The following DNAJC1 variants were observed in gnomAD, a reference collection of about 807,000 sequenced individuals.
DNAJC1 encodes the protein dnaJ homolog subfamily C member 1.
In DNAJC1, 58 loss-of-function variants were observed where a neutral mutation model predicts 76.6. The ratio of observed to expected loss-of-function variants is 0.76; its 90% confidence interval spans 0.61 to 0.94. The LOEUF (loss-of-function observed/expected upper bound fraction) is 0.94, where lower values mean the gene tolerates loss of function less well. DNAJC1 is among the 40% of genes least tolerant of loss of function. The pLI, the probability that DNAJC1 is intolerant of heterozygous loss-of-function variation, is 0.00. For synonymous variants in DNAJC1, 258 were observed against 267.9 expected (o/e 0.96, Z 0.36); for missense variants, 689 against 677.3 (o/e 1.02, Z -0.19).
At chr10:21,879,349 C>T (rs143161765) in intron 8 of DNAJC1, among the ~76,000 whole-genome samples, 70 of 152,252 alleles carry the variant, frequency 4.6e-4, no homozygotes, top group African/African-American at 1.6e-3. Flanking sequence ...ATAAGCCAGG[C>T]GCGTTAGCTC....
intron 9 of DNAJC1, among the ~76,000 whole-genome samples, chr10:21,802,553 C>G (rs754799620): frequency 6.6e-6 from 1 of 152,112 alleles, no homozygotes; most frequent in Non-Finnish European, 1.5e-5. Context: ...TATAACTACA[C>G]ACCCCTTACC....
In DNAJC1 at chr10:21,781,080, C is replaced by T. The variant is rs541378477; in HGVS notation, c.1099-14771G>A. On this transcript the variant is annotated intron_variant, in intron 9 of 11. Coordinates refer to ENST00000376980, the MANE Select transcript of DNAJC1 (RefSeq NM_022365.4). Reference sequence around the variant, plus strand: ...TATATATGCACCCTATTCAGGAGCACCCAGATTCATAAAGCAAGTACTTAG... The same window carrying T: ...TATATATGCACCCTATTCAGGAGCATCCAGATTCATAAAGCAAGTACTTAG... Among the ~76,000 whole-genome samples, 51 of 152,248 alleles carry T rather than the reference C, an allele frequency of 3.3e-4. 1 individual carries two copies. The East Asian group carries it at 7.5e-3, about 22-fold the overall frequency.
rs191846574 is a variant in DNAJC1 at position 21,938,741 on chromosome 10, T to G, written c.223-9600A>C. 2.2e-3 allele frequency among the ~76,000 whole-genome samples: 336 copies of G among 152,352 alleles called. 3 individuals carry two copies. The highest frequency in any genetic ancestry group is 7.7e-3 in the African/African-American group (320 of 41,578). Reference sequence around the variant, plus strand: ...TGACAATAATCTAAAACTCATTCTATTTATACAGTGTCTCCACAAATGTGA... The same window carrying G: ...TGACAATAATCTAAAACTCATTCTAGTTATACAGTGTCTCCACAAATGTGA... On this transcript the variant is annotated intron_variant, in intron 1 of 11. Transcript: ENST00000376980.
intron 8 of DNAJC1, among the ~76,000 whole-genome samples, chr10:21,834,398 G>A (rs931857068): frequency 2.0e-5 from 3 of 152,230 alleles, no homozygotes; most frequent in African/African-American, 4.8e-5. Flanking sequence ...CGTGAGCAAC[G>A]CAGAAGATGG....
At chr10:21,846,433 G>A (rs1835659700) in intron 8 of DNAJC1, among the ~76,000 whole-genome samples, 1 of 152,004 alleles carries the variant, frequency 6.6e-6, no homozygotes, top group African/African-American at 2.4e-5. Flanking sequence ...CCATCCCTGT[G>A]GCTAAATGCA....
chr10:21,822,335 A>G (rs1835173657), intron 8 of DNAJC1, among the ~76,000 whole-genome samples: 1 of 152,102 alleles, frequency 6.6e-6, no homozygotes, highest in Admixed American at 6.6e-5. Flanking sequence ...GCTACACAGG[A>G]GGCTGAGGCA....
intron 8 of DNAJC1, among the ~76,000 whole-genome samples, chr10:21,870,956 G>A (rs1564813125): frequency 6.6e-6 from 1 of 151,752 alleles, no homozygotes; most frequent in Admixed American, 6.6e-5. Context: ...AGTACTAGAA[G>A]GAACAGAATG....
intron 9 of DNAJC1, among the ~76,000 whole-genome samples, chr10:21,778,811 G>A (rs1834486721): frequency 6.6e-6 from 1 of 152,260 alleles, no homozygotes; most frequent in Non-Finnish European, 1.5e-5. Flanking sequence ...GCCTCTCCCA[G>A]GAAGTGCAAA....
At chr10:21,945,462 CAGAT>C (rs975330707) in intron 1 of DNAJC1, among the ~76,000 whole-genome samples, 2 of 151,952 alleles carry the variant, frequency 1.3e-5, no homozygotes, top group Non-Finnish European at 2.9e-5. Flanking sequence ...ATATAGGTGA[CAGAT>C]AGCAGCACTG....
intron 1 of DNAJC1, among the ~76,000 whole-genome samples, chr10:21,953,093 GAAGA>G (rs1186643223): frequency 6.6e-6 from 1 of 151,868 alleles, no homozygotes; most frequent in Non-Finnish European, 1.5e-5. Context: ...AAACATTACT[GAAGA>G]AAGTAAGAAT....
chr10:21,917,134 G>C (rs556521608), intron 6 of DNAJC1, among the ~76,000 whole-genome samples: 1 of 152,114 alleles, frequency 6.6e-6, no homozygotes, highest in African/African-American at 2.4e-5. Context: ...GTTAAAAAAA[G>C]CAGAGTTTCT....
At chr10:21,803,951 T>C (rs767461480) in intron 9 of DNAJC1, 325 of 984,580 alleles carry the variant, frequency 3.3e-4, no homozygotes, top group East Asian at 1.2e-3. Flanking sequence ...AAAATATCTA[T>C]TGCAGACACG....
rs367608562 is a variant in DNAJC1 at position 21,929,131 on chromosome 10, G to A, written c.233C>T (p.Ser78Phe). ...ACGATATGCTTTTCTGATGTCTGCA[G>A]ATGATGCATCCTGGAGGTGGTAGGG... Reference protein sequence around the residue: ...QFLGVQQDASSADIRKAYRKL... With the variant: ...QFLGVQQDASFADIRKAYRKL... The change falls in exon 2 of 12, where the codon TCT becomes TTT. Residue 78 changes from serine (S) to phenylalanine (F), a missense_variant. By Grantham distance (155) the Ser-to-Phe change is radical (BLOSUM62 -2). Transcript: ENST00000376980. 3 of 1,610,150 alleles carry A rather than the reference G, an allele frequency of 1.9e-6. No individual in the cohort carries two copies. Among genetic ancestry groups the A allele is most frequent in the Non-Finnish European group, 1.7e-6 (2 of 1,178,356 alleles).
intron 1 of DNAJC1, among the ~76,000 whole-genome samples, chr10:21,973,951 A>C (rs892880086): frequency 6.6e-6 from 1 of 151,760 alleles, no homozygotes. Context: ...AAAAATACAA[A>C]ATCGGCCGGA....
rs1838021420 is a variant in DNAJC1, at chr10:21,973,866, G to A, written c.222+29347C>T. ...ACCTGTAATCCTAGCACTCTGGGAGGCCGAGGAGGGTGGATCGCCTGAGGT... is the reference window on the plus strand; with the variant it reads ...ACCTGTAATCCTAGCACTCTGGGAGACCGAGGAGGGTGGATCGCCTGAGGT... On this transcript the variant is annotated intron_variant, in intron 1 of 11. Coordinates refer to ENST00000376980, the MANE Select transcript of DNAJC1 (RefSeq NM_022365.4). Among the ~76,000 whole-genome samples, 3 of 152,012 alleles carry A rather than the reference G, an allele frequency of 2.0e-5. No homozygotes were observed. In the South Asian group the frequency reaches 6.2e-4, roughly 32 times the overall value.
At chr10:21,768,357 T>A (rs1435181852) in intron 9 of DNAJC1, among the ~76,000 whole-genome samples, 3 of 152,218 alleles carry the variant, frequency 2.0e-5, no homozygotes, top group Admixed American at 2.0e-4. Context: ...GCATGATCAT[T>A]AAGAGCCGAG....
At chr10:21,835,054 A>G (rs57988650) in intron 8 of DNAJC1, among the ~76,000 whole-genome samples, 5,390 of 152,222 alleles carry the variant, frequency 0.035, 167 homozygotes, top group African/African-American at 0.07. Context: ...GATCCCCGAG[A>G]AGCCTGTCTG....
intron 9 of DNAJC1, among the ~76,000 whole-genome samples, chr10:21,780,007 C>A (rs1201645400): frequency 6.6e-6 from 1 of 151,826 alleles, no homozygotes; most frequent in Non-Finnish European, 1.5e-5. Flanking sequence ...GATGGAAGAT[C>A]AAATGAACGA....
intron 9 of DNAJC1, among the ~76,000 whole-genome samples, chr10:21,769,509 C>T (rs1323909342): frequency 1.3e-5 from 2 of 152,192 alleles, no homozygotes; most frequent in Non-Finnish European, 1.5e-5. Context: ...TGCTCTCTAT[C>T]ACTATAACAT....
Sources: allele counts gnomAD v4.1 joint callset (sites outside exome capture counted in the v4.1 genomes callset), GRCh38; gene constraint gnomAD v4.1.1; transcripts MANE v1.5; gene names NCBI Gene and HGNC (gene_info 2026-07-23, HGNC 2026-07-21).